The following PVT1 variants were observed in gnomAD, a reference collection of about 807,000 sequenced individuals.
The protein encoded by PVT1 is Pvt1 oncogene.
intron 2 of PVT1, among the ~76,000 whole-genome samples, chr8:127,847,299 A>G (rs1472282931): frequency 2.6e-5 from 4 of 152,180 alleles, no homozygotes; most frequent in African/African-American, 9.7e-5. Flanking sequence ...AAAAATACCA[A>G]CGTTGTATAA....
chr8:127,850,484 T>A (rs75177357), intron 2 of PVT1, among the ~76,000 whole-genome samples: 3,845 of 152,196 alleles, frequency 0.025, 57 homozygotes, highest in African/African-American at 0.037. Flanking sequence ...ATGAAAATGA[T>A]TGGTGTAGAT....
chr8:128,037,191 G>T (rs1813473574), intron 4 of PVT1, among the ~76,000 whole-genome samples: 1 of 152,228 alleles, frequency 6.6e-6, no homozygotes, highest in Non-Finnish European at 1.5e-5. Context: ...AGGCCCTGCA[G>T]TCACCACTCC....
intron 4 of PVT1, among the ~76,000 whole-genome samples, chr8:128,052,720 A>T (rs1563676018): frequency 6.6e-6 from 1 of 152,266 alleles, no homozygotes; most frequent in Non-Finnish European, 1.5e-5. Context: ...TGTTTACCAC[A>T]GTCATAACAA....
At chr8:127,880,538 C>G (rs901817070) in intron 2 of PVT1, among the ~76,000 whole-genome samples, 1 of 151,018 alleles carries the variant, frequency 6.6e-6, no homozygotes, top group Non-Finnish European at 1.5e-5. Context: ...CCTCATGATC[C>G]GCCTGTCTCG....
intron 2 of PVT1, among the ~76,000 whole-genome samples, chr8:127,864,940 C>T (rs1203138995): frequency 6.6e-6 from 1 of 152,180 alleles, no homozygotes; most frequent in African/African-American, 2.4e-5. Flanking sequence ...ATGGAGGTGA[C>T]AGAGGCCATC....
chr8:127,888,953 G>A (rs2129799479), intron 2 of PVT1, among the ~76,000 whole-genome samples: 1 of 152,294 alleles, frequency 6.6e-6, no homozygotes, highest in Non-Finnish European at 1.5e-5. Context: ...TTTGATGGAA[G>A]TTGGAGCAGT....
chr8:127,916,586 G>A (rs1386945949), intron 3 of PVT1, among the ~76,000 whole-genome samples: 4 of 152,138 alleles, frequency 2.6e-5, no homozygotes, highest in African/African-American at 7.2e-5. Context: ...AGATGATTTC[G>A]TTCTGGTCTC....
At chr8:127,931,295 G>A (rs1338863853) in intron 3 of PVT1, among the ~76,000 whole-genome samples, 1 of 152,074 alleles carries the variant, frequency 6.6e-6, no homozygotes, top group African/African-American at 2.4e-5. Flanking sequence ...CCAGGGTGCT[G>A]GGGGGAAGTG....
chr8:127,917,415 A>G (rs541484400), intron 3 of PVT1, among the ~76,000 whole-genome samples: 2 of 152,334 alleles, frequency 1.3e-5, no homozygotes, highest in East Asian at 3.9e-4. Context: ...GTAGCAATAA[A>G]GGAAACCAGC....
chr8:128,093,388 T>G (rs548036712), intron 5 of PVT1, among the ~76,000 whole-genome samples: 6 of 152,030 alleles, frequency 3.9e-5, no homozygotes, highest in African/African-American at 1.4e-4. Flanking sequence ...TGAAACCCCG[T>G]CAATACTAAA....
At chr8:128,061,537 G>A (rs1203187763) in intron 4 of PVT1, among the ~76,000 whole-genome samples, 2 of 152,116 alleles carry the variant, frequency 1.3e-5, no homozygotes, top group East Asian at 3.8e-4. Context: ...GGAATTGCTG[G>A]GTCATATGGT....
intron 2 of PVT1, among the ~76,000 whole-genome samples, chr8:127,866,515 C>T (rs537759061): frequency 1.3e-5 from 2 of 152,264 alleles, no homozygotes; most frequent in African/African-American, 4.8e-5. Flanking sequence ...CCTTCAGCAT[C>T]AGAGGAATGA....
intron 3 of PVT1, among the ~76,000 whole-genome samples, chr8:127,919,939 A>G (rs1340168762): frequency 6.6e-6 from 1 of 152,182 alleles, no homozygotes; most frequent in East Asian, 1.9e-4. Context: ...GTCACTGAAC[A>G]TGAAGAAGCA....
At position 127,891,238 on chromosome 8, in the gene PVT1, C is replaced by A. The variant is rs1815598735; in HGVS notation, n.782+240C>A. Among the ~76,000 whole-genome samples, 4 of 152,320 alleles carry A rather than the reference C, an allele frequency of 2.6e-5. No homozygotes were observed. In the South Asian group the frequency reaches 8.3e-4, roughly 32 times the overall value. On this transcript the variant is annotated intron_variant and non_coding_transcript_variant, in intron 3 of 10. Transcript: ENST00000651587. ...TTACGTATCTGTCACCATCTACCTC[C>A]CTATAAAGTGCCTCTGCTGTTGGTT...
At chr8:128,073,187 C>G (rs1814020244) in intron 5 of PVT1, among the ~76,000 whole-genome samples, 1 of 152,098 alleles carries the variant, frequency 6.6e-6, no homozygotes, top group Non-Finnish European at 1.5e-5. Context: ...GCAGCATGTT[C>G]TGTCTGAATG....
At chr8:127,887,329 A>G (rs1051316385) in intron 2 of PVT1, among the ~76,000 whole-genome samples, 26 of 152,158 alleles carry the variant, frequency 1.7e-4, no homozygotes, top group Admixed American at 2.6e-4. Context: ...CTGAATGTCC[A>G]GGTCTTGATC....
intron 2 of PVT1, chr8:127,803,497 A>T (rs1814492582): frequency 6.6e-6 from 1 of 152,194 alleles, no homozygotes; most frequent in Non-Finnish European, 1.5e-5. Context: ...GCAAGGAGCA[A>T]CTTCCCAAAT....
chr8:128,078,364 T>G (rs1029962528), intron 5 of PVT1, among the ~76,000 whole-genome samples: 3 of 152,228 alleles, frequency 2.0e-5, no homozygotes, highest in Non-Finnish European at 4.4e-5. Context: ...AAGCACCTGG[T>G]GACTCTACTG....
chr8:127,869,592 C>T (rs1474951642), intron 2 of PVT1, among the ~76,000 whole-genome samples: 2 of 152,276 alleles, frequency 1.3e-5, no homozygotes, highest in Non-Finnish European at 2.9e-5. Context: ...GGCTCTTTCC[C>T]TCCTCTTGTT....
Sources: gnomAD v4.1 joint callset for allele counts (sites outside exome capture counted in the v4.1 genomes callset) on GRCh38, gnomAD v4.1.1 for gene constraint, MANE v1.5 for transcripts, NCBI Gene and HGNC (gene_info 2026-07-23, HGNC 2026-07-21) for gene names.